Variants in PDE1C observed in about 807,000 individuals in gnomAD.
The protein encoded by PDE1C is dual specificity calcium/calmodulin-dependent 3',5'-cyclic nucleotide phosphodiesterase 1C.
Under a neutral mutation model 93.1 loss-of-function variants are expected in PDE1C, and 62 were observed. The observed-to-expected ratio is 0.67, with a 90% CI of 0.54 to 0.82. PDE1C has a LOEUF of 0.82. Ranked by LOEUF, PDE1C falls within the 40% of genes least tolerant of loss-of-function variation. The pLI is 0.00. For missense variants in PDE1C, 742 were observed against 884.6 expected, an observed-to-expected ratio of 0.84 and a Z score of 2.04; for synonymous variants, 325 against 310.1, an observed-to-expected ratio of 1.05 and a Z score of -0.50.
chr7:31,746,892 A>T (rs1184905767), downstream of PDE1C, among the ~76,000 whole-genome samples: 1 of 152,204 alleles, frequency 6.6e-6, no homozygotes, highest in African/African-American at 2.4e-5. Flanking sequence ...GGTGGGGAAG[A>T]TGCATTCAAT....
At chr7:32,306,092 C>A (rs893574423) in intron 1 of PDE1C, among the ~76,000 whole-genome samples, 12 of 152,114 alleles carry the variant, frequency 7.9e-5, no homozygotes, top group African/African-American at 2.9e-4. Flanking sequence ...TCACTTGATC[C>A]TTCATTCTCT....
At chr7:32,195,954 G>A (rs930006973) in intron 2 of PDE1C, among the ~76,000 whole-genome samples, 12 of 152,104 alleles carry the variant, frequency 7.9e-5, no homozygotes, top group Non-Finnish European at 1.0e-4. Flanking sequence ...ACTGTGTATG[G>A]AATGACCTCA....
Position 32,001,617 on chromosome 7 carries a change from G to A in PDE1C, c.128+49937C>T, listed in dbSNP as rs183092378. 3.9e-5 allele frequency among the ~76,000 whole-genome samples: 6 copies of A among 152,178 alleles called. No individual in the cohort carries two copies. In the East Asian group the frequency reaches 7.7e-4, roughly 20 times the overall value. Reference sequence around the variant, plus strand: ...CACAGGAATGAATGACCTGACCAGCGACCCCATCATTGAGGGAGTAAATGC... The same window carrying A: ...CACAGGAATGAATGACCTGACCAGCAACCCCATCATTGAGGGAGTAAATGC... On this transcript the variant is annotated intron_variant, in intron 2 of 17. Transcript: ENST00000396191.
At chr7:31,780,756 GGTGT>G (rs368491941) in intron 16 of PDE1C, among the ~76,000 whole-genome samples, 90 of 151,984 alleles carry the variant, frequency 5.9e-4, no homozygotes, top group Admixed American at 1.2e-3. Context: ...GTTTTAGAAA[GGTGT>G]GTGTATGTGC....
At chr7:31,975,213 TG>T (rs1015819571) in intron 2 of PDE1C, among the ~76,000 whole-genome samples, 2 of 152,154 alleles carry the variant, frequency 1.3e-5, no homozygotes, top group African/African-American at 4.8e-5. Context: ...CAACACCAAA[TG>T]GGGGGTTCAA....
chr7:31,948,131 T>C lies in PDE1C; in HGVS notation c.129-67271A>G, dbSNP rs371762637. Among the ~76,000 whole-genome samples the C allele has an allele frequency of 1.4e-4, 22 of 152,320 alleles. No homozygotes were observed. The South Asian group carries it at 4.1e-3, about 29-fold the overall frequency. ...GATCACAGCTTCTCTCTGGAACTTT[T>C]AAGCAACTCTGCTCACCAAGCAACA... On this transcript the variant is annotated intron_variant, in intron 2 of 17. Coordinates refer to ENST00000396191, the MANE Select transcript of PDE1C (RefSeq NM_001191057.4).
intron 1 of PDE1C, among the ~76,000 whole-genome samples, chr7:32,356,109 C>A (rs1464592709): frequency 6.6e-6 from 1 of 152,154 alleles, no homozygotes; most frequent in Non-Finnish European, 1.5e-5. Context: ...GAAAATAATT[C>A]TCAGCTCAAT....
chr7:31,806,995 T>A (rs948295558), intron 16 of PDE1C, among the ~76,000 whole-genome samples: 16 of 152,054 alleles, frequency 1.1e-4, no homozygotes, highest in African/African-American at 3.9e-4. Flanking sequence ...AAGAAAAGGA[T>A]AGGTGGGACT....
At chr7:31,715,019 A>G in the PDE1C span, among the ~76,000 whole-genome samples, 6 of 152,130 alleles carry the variant, frequency 3.9e-5, no homozygotes, top group Admixed American at 1.3e-4. Context: ...TTATCACCAT[A>G]TGTTCTCACC....
At chr7:32,387,348 A>G (rs987495684) in intron 1 of PDE1C, among the ~76,000 whole-genome samples, 1 of 150,584 alleles carries the variant, frequency 6.6e-6, no homozygotes, top group Non-Finnish European at 1.5e-5. Flanking sequence ...ATTCCACAAA[A>G]CCGCCATTGT....
chr7:31,641,196 A>T, the PDE1C span, among the ~76,000 whole-genome samples: 1 of 152,212 alleles, frequency 6.6e-6, no homozygotes, highest in Non-Finnish European at 1.5e-5. Flanking sequence ...GGCTGGGATC[A>T]TTTCCCTCCC....
At chr7:31,716,187 G>A in the PDE1C span, among the ~76,000 whole-genome samples, 1 of 152,138 alleles carries the variant, frequency 6.6e-6, no homozygotes, top group Non-Finnish European at 1.5e-5. Flanking sequence ...GCATATAAGT[G>A]CTAGCCTTGT....
chr7:31,666,074 A>T, the PDE1C span, among the ~76,000 whole-genome samples: 2 of 152,176 alleles, frequency 1.3e-5, no homozygotes, highest in Non-Finnish European at 2.9e-5. Flanking sequence ...ATAAATTCAC[A>T]TCAGGGTCAT....
chr7:32,281,811 G>A (rs1390579594), intron 1 of PDE1C, among the ~76,000 whole-genome samples: 2 of 152,044 alleles, frequency 1.3e-5, no homozygotes, highest in African/African-American at 4.8e-5. Context: ...AAGAACATGT[G>A]GCACATATAC....
In PDE1C at chr7:32,341,173, C is replaced by CTATTTTTTTTTTTTTTTTTTTTTTTTTT. The variant is rs796122014; in HGVS notation, c.310+86648_310+86649insAAAAAAAAAAAAAAAAAAAAAAAAAATA. Reference sequence around the variant, plus strand: ...CCTAAAACTACTCTAGAAATAAAGTCTTTTTTTTTTTTTTTTTTTTGAGAC... The same window carrying CTATTTTTTTTTTTTTTTTTTTTTTTTTT: ...CCTAAAACTACTCTAGAAATAAAGTCTATTTTTTTTTTTTTTTTTTTTTTTTTTTTTTTTTTTTTTTTTTTTTTGAGAC... On this transcript the variant is annotated intron_variant, in intron 1 of 1. Coordinates refer to the PDE1C transcript ENST00000672256. 5.9e-5 allele frequency among the ~76,000 whole-genome samples: 5 copies of CTATTTTTTTTTTTTTTTTTTTTTTTTTT among 84,958 alleles called. 1 individual carries two copies. The highest frequency in any genetic ancestry group is 2.2e-4 in the African/African-American group (5 of 23,022). The allele number at this position is 84,958 out of a possible 152,430, so 55.7% of individuals were successfully genotyped here.
chr7:32,361,098 T>C (rs543594560), intron 1 of PDE1C, among the ~76,000 whole-genome samples: 11 of 152,314 alleles, frequency 7.2e-5, no homozygotes, highest in African/African-American at 2.4e-4. Context: ...TGAGACACCA[T>C]GCAGGGCACC....
intron 2 of PDE1C, among the ~76,000 whole-genome samples, chr7:31,966,232 C>A (rs1357562332): frequency 6.6e-6 from 1 of 152,072 alleles, no homozygotes; most frequent in East Asian, 1.9e-4. Context: ...TGCAGAGACA[C>A]ACATAGGCTC....
At chr7:32,383,309 G>T (rs1390460679) in intron 1 of PDE1C, among the ~76,000 whole-genome samples, 1 of 152,168 alleles carries the variant, frequency 6.6e-6, no homozygotes, top group East Asian at 1.9e-4. Context: ...AGGTAGAAAA[G>T]CCCAGTGATA....
At chr7:32,232,781 G>T (rs1351447550) in intron 1 of PDE1C, among the ~76,000 whole-genome samples, 1 of 152,164 alleles carries the variant, frequency 6.6e-6, no homozygotes, top group East Asian at 1.9e-4. Flanking sequence ...TGACTACTAA[G>T]TGACATACTT....
Sources: gnomAD v4.1 joint callset for allele counts (sites outside exome capture counted in the v4.1 genomes callset) on GRCh38, gnomAD v4.1.1 for gene constraint, MANE v1.5 for transcripts, NCBI Gene and HGNC (gene_info 2026-07-23, HGNC 2026-07-21) for gene names.